WDPCP: variants seen among roughly 807,000 people sequenced by gnomAD.
The protein encoded by WDPCP is WD repeat containing planar cell polarity effector.
A neutral mutation model predicts 93.1 loss-of-function variants in WDPCP; 71 were observed. That is an observed-to-expected ratio of 0.76 (90% confidence interval 0.63 to 0.93). The LOEUF is 0.93. Among genes scored for constraint, WDPCP ranks in the 40% least tolerant of loss-of-function variants. WDPCP has a pLI of 0.00. For synonymous variants in WDPCP, 315 were observed against 315.0 expected, an observed-to-expected ratio of 1.00 and a Z score of 0.00; for missense variants, 844 against 887.4, an observed-to-expected ratio of 0.95 and a Z score of 0.62.
intron 1 of WDPCP, among the ~76,000 whole-genome samples, chr2:63,495,728 A>C (rs960599873): frequency 6.6e-6 from 1 of 152,200 alleles, no homozygotes; most frequent in Non-Finnish European, 1.5e-5. Context: ...TTACTCAATT[A>C]CCTTAACACT....
At chr2:63,534,019 T>TA (rs1451361379) in intron 1 of WDPCP, among the ~76,000 whole-genome samples, 2 of 150,486 alleles carry the variant, frequency 1.3e-5, no homozygotes, top group Non-Finnish European at 3.0e-5. Context: ...AAAAAAATGA[T>TA]AAAAGGGATC....
Position 63,565,976 on chromosome 2 carries a change from T to C in WDPCP, c.75+22221A>G, listed in dbSNP as rs1707015550. ...CATCATCTTCTACCTCAACAATCTA[T>C]TACAGTCTCCTAACTCATCTATACT... On this transcript the variant is annotated intron_variant, in intron 1 of 17. Coordinates refer to ENST00000272321, the MANE Select transcript of WDPCP (RefSeq NM_015910.7). Among the ~76,000 whole-genome samples the C allele has an allele frequency of 2.0e-5, 3 of 152,182 alleles. No homozygotes were observed. In the South Asian group the frequency reaches 6.2e-4, roughly 32 times the overall value.
intron 3 of WDPCP, chr2:63,622,896 G>A (rs1489820222): frequency 1.2e-5 from 16 of 1,389,502 alleles, no homozygotes; most frequent in Middle Eastern, 2.2e-4. Context: ...GGAGGCACGC[G>A]GGGGCCGGGC....
chr2:63,409,067 G>A (rs570912891), intron 9 of WDPCP, among the ~76,000 whole-genome samples: 77 of 152,234 alleles, frequency 5.1e-4, no homozygotes, highest in Non-Finnish European at 9.0e-4. Context: ...TCTGGAAAGC[G>A]CCACCTCCCG....
chr2:63,236,123 C>T (rs1200183689), intron 14 of WDPCP, among the ~76,000 whole-genome samples: 5 of 152,138 alleles, frequency 3.3e-5, no homozygotes, highest in Admixed American at 2.0e-4. Flanking sequence ...TGATAAATGA[C>T]TTCTGTAAAG....
At chr2:63,286,734 T>C (rs778710236) in intron 13 of WDPCP, among the ~76,000 whole-genome samples, 10 of 152,258 alleles carry the variant, frequency 6.6e-5, no homozygotes, top group Non-Finnish European at 1.3e-4. Flanking sequence ...TCATTTACAT[T>C]TATTATAATT....
chr2:63,760,830 A>G (rs1670046437), intron 2 of WDPCP, among the ~76,000 whole-genome samples: 1 of 152,098 alleles, frequency 6.6e-6, no homozygotes, highest in East Asian at 1.9e-4. Context: ...GGGTACATGT[A>G]TGAGTTCTTC....
At chr2:63,552,022 G>A (rs1183307852) in intron 1 of WDPCP, among the ~76,000 whole-genome samples, 1 of 109,848 alleles carries the variant, frequency 9.1e-6, no homozygotes, top group East Asian at 2.8e-4. Flanking sequence ...CAACTCCTGG[G>A]CTCAAGTGAT....
chr2:63,239,379 T>A (rs1242375788), intron 14 of WDPCP, among the ~76,000 whole-genome samples: 1 of 152,162 alleles, frequency 6.6e-6, no homozygotes, highest in Non-Finnish European at 1.5e-5. Context: ...TCTTTCCAAA[T>A]TCCCCTTGAG....
At chr2:63,130,741 T>C (rs11125949) in intron 17 of WDPCP, among the ~76,000 whole-genome samples, 24,699 of 152,080 alleles carry the variant, frequency 0.16, 2,608 homozygotes, top group Admixed American at 0.22. Context: ...AAGTCTTCTG[T>C]TGTCCTTATT....
chr2:63,156,616 T>C (rs1672269634), intron 15 of WDPCP, among the ~76,000 whole-genome samples: 1 of 152,056 alleles, frequency 6.6e-6, no homozygotes, highest in South Asian at 2.1e-4. Context: ...CATGCACCTG[T>C]AATCCCAGCT....
chr2:63,766,710 GCAT>G (rs1313223394), intron 2 of WDPCP, among the ~76,000 whole-genome samples: 2 of 152,028 alleles, frequency 1.3e-5, no homozygotes, highest in Admixed American at 6.6e-5. Context: ...GTGAATATAT[GCAT>G]CACTCTCAAA....
At chr2:63,458,699 T>C (rs561554775) in intron 6 of WDPCP, among the ~76,000 whole-genome samples, 2 of 152,086 alleles carry the variant, frequency 1.3e-5, no homozygotes, top group African/African-American at 2.4e-5. Context: ...GTAATACCCA[T>C]GCCACTTTTC....
intron 2 of WDPCP, among the ~76,000 whole-genome samples, chr2:63,796,665 C>T (rs1670621883): frequency 6.6e-6 from 1 of 152,212 alleles, no homozygotes; most frequent in Admixed American, 6.5e-5. Flanking sequence ...GGGAGCAGCC[C>T]CAGCCAGAGG....
intron 1 of WDPCP, among the ~76,000 whole-genome samples, chr2:63,560,669 T>G (rs1706539026): frequency 6.6e-6 from 1 of 152,164 alleles, no homozygotes; most frequent in African/African-American, 2.4e-5. Context: ...AGGGTGAGTT[T>G]ATGTCCTTTG....
intron 9 of WDPCP, among the ~76,000 whole-genome samples, chr2:63,406,394 A>T (rs1485312107): frequency 6.6e-6 from 1 of 152,180 alleles, no homozygotes; most frequent in Non-Finnish European, 1.5e-5. Flanking sequence ...ATATTTGAAT[A>T]TGAGCCATGT....
chr2:63,378,470 G>C lies in WDPCP; in HGVS notation c.1664C>G (p.Thr555Arg). Reference protein sequence around the residue: ...ETSLGTFYAPTRPLLDSTILE... With the variant: ...ETSLGTFYAPRRPLLDSTILE... ...TATAGTGGAATCCAGAAGTGGTCTTGTTGGAGCATAGAAGGTTCCAAGGCT... is the reference window on the plus strand; with the variant it reads ...TATAGTGGAATCCAGAAGTGGTCTTCTTGGAGCATAGAAGGTTCCAAGGCT... The change falls in exon 12 of 18, where the codon ACA becomes AGA. Residue 555 changes from threonine (T) to arginine (R), a missense_variant. Thr to Arg is a moderately conservative substitution (Grantham distance 71, BLOSUM62 -1). Transcript: ENST00000272321. The C allele has an allele frequency of 2.5e-6, 4 of 1,613,206 alleles. No homozygotes were observed. The highest frequency in any genetic ancestry group is 3.4e-6 in the Non-Finnish European group (4 of 1,179,392).
rs564538649 is a variant in WDPCP at position 63,712,456 on chromosome 2, A to G, written n.309-61618T>C. ...AGAATAATTTCTCCTGTCCTTGGAA[A>G]ATGTTAATCAAACTTTAGAGATCTA... is the stretch of plus-strand genomic sequence containing the variant. On this transcript the variant is annotated intron_variant and non_coding_transcript_variant, in intron 2 of 4. Coordinates refer to the WDPCP transcript ENST00000467687. Among the ~76,000 whole-genome samples, 4 of 152,360 alleles carry G rather than the reference A, an allele frequency of 2.6e-5. No individual in the cohort carries two copies. The South Asian group carries it at 6.2e-4, about 24-fold the overall frequency.
At chr2:63,322,682 A>T (rs1167685835) in intron 12 of WDPCP, among the ~76,000 whole-genome samples, 1 of 151,976 alleles carries the variant, frequency 6.6e-6, no homozygotes, top group East Asian at 1.9e-4. Context: ...CATCTTTAAG[A>T]ACTGTAACAC....
Sources: gnomAD v4.1 joint callset for allele counts (sites outside exome capture counted in the v4.1 genomes callset) on GRCh38, gnomAD v4.1.1 for gene constraint, MANE v1.5 for transcripts, NCBI Gene and HGNC (gene_info 2026-07-23, HGNC 2026-07-21) for gene names.